SH3PXD2A: variants seen among roughly 807,000 people sequenced by gnomAD.
SH3PXD2A encodes SH3 and PX domain-containing protein 2A.
SH3PXD2A carries 32 observed loss-of-function variants against 115.2 expected under a neutral mutation model. The observed-to-expected ratio is 0.28, with a 90% CI of 0.21 to 0.37. SH3PXD2A has a LOEUF of 0.37. SH3PXD2A is among the 10% of genes least tolerant of loss of function. The pLI, the probability that SH3PXD2A is intolerant of heterozygous loss-of-function variation, is 1.00. For missense variants in SH3PXD2A, 1,328 were observed against 1,498.7 expected (o/e 0.89, Z 1.88); for synonymous variants, 610 against 629.1 (o/e 0.97, Z 0.45).
intron 2 of SH3PXD2A, among the ~76,000 whole-genome samples, chr10:103,790,067 T>C (rs1208645931): frequency 2.6e-5 from 4 of 151,622 alleles, no homozygotes; most frequent in Non-Finnish European, 5.9e-5. Flanking sequence ...CTAGGCAGAG[T>C]GAATGGTTCC....
chr10:103,779,702 T>G (rs2038914367), intron 2 of SH3PXD2A, among the ~76,000 whole-genome samples: 1 of 152,146 alleles, frequency 6.6e-6, no homozygotes, highest in African/African-American at 2.4e-5. Context: ...AGAGGAATCC[T>G]GGCACCAGCC....
rs932309771 is a variant in SH3PXD2A, at chr10:103,746,510, C to T, written c.230-10702G>A. ...AATTTTTTGTATTTTTTTGTAGAAACTGGGTTTCACCATGTAGCCCAGGCT... is the reference window on the plus strand; with the variant it reads ...AATTTTTTGTATTTTTTTGTAGAAATTGGGTTTCACCATGTAGCCCAGGCT... On this transcript the variant is annotated intron_variant, in intron 3 of 14. Transcript: ENST00000369774. This position sits in a 1 kb window ranked among gnomAD's most constrained non-coding sequence, Gnocchi z 4.4. 7.2e-5 allele frequency among the ~76,000 whole-genome samples: 11 copies of T among 152,042 alleles called. No individual in the cohort carries two copies. Among genetic ancestry groups the T allele is most frequent in the African/African-American group, 2.7e-4 (11 of 41,400 alleles).
chr10:103,803,416 T>G (rs765745593), intron 1 of SH3PXD2A, among the ~76,000 whole-genome samples: 1 of 152,234 alleles, frequency 6.6e-6, no homozygotes, highest in Non-Finnish European at 1.5e-5. Context: ...TGTTACCTAA[T>G]GTTTAAGCAA....
intron 3 of SH3PXD2A, among the ~76,000 whole-genome samples, chr10:103,765,502 C>T (rs2038745287): frequency 1.3e-5 from 2 of 152,248 alleles, no homozygotes; most frequent in South Asian, 2.1e-4. Context: ...CTTTAATTCA[C>T]CAGGCCACCC....
chr10:103,747,685 G>A (rs755888905), intron 3 of SH3PXD2A, among the ~76,000 whole-genome samples: 29 of 152,338 alleles, frequency 1.9e-4, no homozygotes, highest in South Asian at 4.2e-4. Context: ...AGGAAAAGCC[G>A]CAGGAAGCAG....
At chr10:103,852,862 A>G (rs1446836611) in intron 1 of SH3PXD2A, among the ~76,000 whole-genome samples, 2 of 150,800 alleles carry the variant, frequency 1.3e-5, no homozygotes, top group African/African-American at 2.4e-5. Context: ...GCCAAACCCA[A>G]CTGGACTTAG....
intron 2 of SH3PXD2A, among the ~76,000 whole-genome samples, chr10:103,792,118 G>GC (rs1321796260): frequency 6.6e-6 from 1 of 152,220 alleles, no homozygotes; most frequent in African/African-American, 2.4e-5. Context: ...GCCGATGGAA[G>GC]CCCCACAAGG....
chr10:103,718,760 GACACACACAC>G (rs55844048), intron 5 of SH3PXD2A, among the ~76,000 whole-genome samples: 11 of 128,418 alleles, frequency 8.6e-5, no homozygotes, highest in South Asian at 5.8e-4. Context: ...CCCCAATCAG[GACACACACAC>G]ACACACACAC....
At chr10:103,765,319 G>A (rs1159594662) in intron 3 of SH3PXD2A, among the ~76,000 whole-genome samples, 1 of 152,160 alleles carries the variant, frequency 6.6e-6, no homozygotes, top group African/African-American at 2.4e-5. Context: ...GGTCTCTGCT[G>A]ACTTCCTCAG....
At chr10:103,716,288 G>A (rs996269812) in intron 5 of SH3PXD2A, among the ~76,000 whole-genome samples, 2 of 152,204 alleles carry the variant, frequency 1.3e-5, no homozygotes, top group Admixed American at 1.3e-4. Context: ...CAGGGACACT[G>A]GGGGTGGACT....
chr10:103,758,598 G>GA (rs2038667236), intron 3 of SH3PXD2A, among the ~76,000 whole-genome samples: 1 of 152,264 alleles, frequency 6.6e-6, no homozygotes, highest in South Asian at 2.1e-4. Context: ...ATCTGTGATA[G>GA]AAAGGAATGA....
chr10:103,810,608 G>C (rs1466624564), intron 1 of SH3PXD2A, among the ~76,000 whole-genome samples: 1 of 152,168 alleles, frequency 6.6e-6, no homozygotes. Context: ...GCTGCGAAGT[G>C]TGGTTTCTAA....
chr10:103,602,033 G>C lies in SH3PXD2A; in HGVS notation c.3185C>G (p.Pro1062Arg). Residue 1062 changes from proline (P) to arginine (R), a missense_variant, in exon 15 of 15, where the codon CCC becomes CGC. Pro to Arg is a moderately radical substitution (Grantham distance 103, BLOSUM62 -2). Coordinates refer to ENST00000369774, the MANE Select transcript of SH3PXD2A (RefSeq NM_001394015.1). ...SIPVSPVRPK[P>R]IEKSQFIHNN... The stretch of plus-strand genomic sequence containing the variant: ...GTGGATGAACTGAGACTTCTCGATG[G>C]GCTTGGGGCGCACAGGGGACACGGG... 5 of 1,611,946 alleles carry C rather than the reference G, an allele frequency of 3.1e-6. No homozygotes were observed. The highest frequency in any genetic ancestry group is 4.2e-6 in the Non-Finnish European group (5 of 1,178,688).
At chr10:103,844,251 C>T (rs985263764) in intron 1 of SH3PXD2A, among the ~76,000 whole-genome samples, 5 of 152,314 alleles carry the variant, frequency 3.3e-5, no homozygotes, top group African/African-American at 9.6e-5. Flanking sequence ...CCAGGCACTG[C>T]GCTGAGGGCT....
intron 13 of SH3PXD2A, among the ~76,000 whole-genome samples, chr10:103,606,163 C>T (rs1246673642): frequency 6.9e-6 from 1 of 144,546 alleles, no homozygotes; most frequent in Non-Finnish European, 1.5e-5. Flanking sequence ...TCAAAATTCT[C>T]ACATTACTAT....
At position 103,756,006 on chromosome 10, in the gene SH3PXD2A, C is replaced by T. The variant is rs1348186301; in HGVS notation, c.229+11088G>A. Among the ~76,000 whole-genome samples the T allele has an allele frequency of 6.6e-6, 1 of 152,228 alleles. No individual in the cohort carries two copies. Among genetic ancestry groups the T allele is most frequent in the African/African-American group, 2.4e-5 (1 of 41,460 alleles). ...CCTCCACATTTGCCTCCTCCCTTCC[C>T]TTTTGAAGGTACATTCAGATGAACG... On this transcript the variant is annotated intron_variant, in intron 3 of 14. Transcript: ENST00000369774. The surrounding 1 kb of genome is among the most constrained non-coding windows in gnomAD (Gnocchi z 4.4).
intron 11 of SH3PXD2A, 36 bp from the exon 12 acceptor site, chr10:103,613,226 A>G: frequency 6.7e-7 from 1 of 1,495,130 alleles, no homozygotes; most frequent in Non-Finnish European, 9.0e-7. Flanking sequence ...TCATTAGAGC[A>G]CTCTGACCTC....
At chr10:103,828,814 T>TC (rs2039458328) in intron 1 of SH3PXD2A, among the ~76,000 whole-genome samples, 1 of 152,070 alleles carries the variant, frequency 6.6e-6, no homozygotes, top group Admixed American at 6.6e-5. Flanking sequence ...TCCTAACCTC[T>TC]CCCCCAGCCC....
At chr10:103,767,717 C>T (rs1191604564) in intron 2 of SH3PXD2A, among the ~76,000 whole-genome samples, 1 of 152,140 alleles carries the variant, frequency 6.6e-6, no homozygotes, top group African/African-American at 2.4e-5. Flanking sequence ...ACCATTCCTC[C>T]ACTTCCTACC....
Sources: gnomAD v4.1 joint callset for allele counts (sites outside exome capture counted in the v4.1 genomes callset) on GRCh38, gnomAD v4.1.1 for gene constraint, Gnocchi (gnomAD v3.1) non-coding constraint, MANE v1.5 for transcripts, NCBI Gene and HGNC (gene_info 2026-07-23, HGNC 2026-07-21) for gene names.